NCAM2: variants seen among roughly 807,000 people sequenced by gnomAD.
The protein encoded by NCAM2 is neural cell adhesion molecule 2.
In NCAM2, 30 loss-of-function variants were observed where a neutral mutation model predicts 98.1. The observed-to-expected ratio is 0.31, with a 90% CI of 0.23 to 0.41. The LOEUF (loss-of-function observed/expected upper bound fraction) is 0.41. Ranked by LOEUF, NCAM2 falls within the 10% of genes least tolerant of loss-of-function variation. The pLI is 1.00. For missense variants in NCAM2, 867 were observed against 1,005.8 expected (o/e 0.86, Z 1.87); for synonymous variants, 368 against 342.4 (o/e 1.07, Z -0.83).
intron 1 of NCAM2, among the ~76,000 whole-genome samples, chr21:21,259,787 C>T (rs568946980): frequency 6.6e-6 from 1 of 152,000 alleles, no homozygotes; most frequent in African/African-American, 2.4e-5. Context: ...CCAAAACACT[C>T]ATTACAGAGC....
chr21:21,219,247 G>A (rs767099279), intron 1 of NCAM2, among the ~76,000 whole-genome samples: 3 of 151,964 alleles, frequency 2.0e-5, no homozygotes, highest in Non-Finnish European at 2.9e-5. Flanking sequence ...TGTGGCCCAG[G>A]GAAGCCAGAA....
Position 21,432,032 on chromosome 21 carries a change from TCATAACAC to T in NCAM2, c.1481-70_1481-63del, listed in dbSNP as rs1364193032. The T allele has an allele frequency of 1.0e-5, 14 of 1,384,104 alleles. No homozygotes were observed. In the South Asian group the frequency reaches 1.4e-4, roughly 14 times the overall value. The allele number at this position is 1,384,104 out of a possible 1,614,324, so 85.7% of individuals were successfully genotyped here. A position where few individuals can be genotyped will look rare whatever the true frequency, so the allele number is the denominator to read the frequency against. On this transcript the variant is annotated intron_variant, in intron 11 of 17. Transcript: ENST00000400546. ...AGCAGTTTTCCTTCACTCCTAGTTC[TCATAACAC>T]CATAAGCCTTAATAATGGCCATTCC...
intron 1 of NCAM2, among the ~76,000 whole-genome samples, chr21:21,276,213 T>C (rs1319091091): frequency 6.6e-6 from 1 of 152,062 alleles, no homozygotes; most frequent in East Asian, 1.9e-4. Context: ...ATGTACCCCA[T>C]AGTCCTCCCA....
chr21:21,305,505 C>T (rs1410654139), intron 5 of NCAM2, among the ~76,000 whole-genome samples: 1 of 151,990 alleles, frequency 6.6e-6, no homozygotes, highest in African/African-American at 2.4e-5. Flanking sequence ...GGAGACAGGG[C>T]ATTCATTCTT....
chr21:21,433,804 AAGAG>A (rs907438847), intron 12 of NCAM2, among the ~76,000 whole-genome samples: 2 of 151,390 alleles, frequency 1.3e-5, no homozygotes, highest in African/African-American at 4.8e-5. Flanking sequence ...ATAAAAATAA[AAGAG>A]AGAAAAAGGA....
At chr21:21,251,458 A>G (rs1296042926) in intron 1 of NCAM2, among the ~76,000 whole-genome samples, 1 of 152,046 alleles carries the variant, frequency 6.6e-6, no homozygotes, top group East Asian at 1.9e-4. Flanking sequence ...TTCCAGCTTC[A>G]TCCATGTCCC....
chr21:21,239,008 A>T (rs961251749), intron 1 of NCAM2, among the ~76,000 whole-genome samples: 1 of 152,170 alleles, frequency 6.6e-6, no homozygotes, highest in African/African-American at 2.4e-5. Flanking sequence ...TTTCCTTCAG[A>T]TAAGAATATT....
intron 1 of NCAM2, among the ~76,000 whole-genome samples, chr21:21,082,525 G>A (rs989466280): frequency 1.3e-5 from 2 of 152,078 alleles, no homozygotes; most frequent in Non-Finnish European, 2.9e-5. Flanking sequence ...TTTAAATAAA[G>A]TCTTCTGTAA....
chr21:21,164,801 A>G (rs575060012), intron 1 of NCAM2, among the ~76,000 whole-genome samples: 160 of 152,340 alleles, frequency 1.1e-3, no homozygotes, highest in African/African-American at 3.6e-3. Flanking sequence ...TAGTGAATCA[A>G]ACAGATAAAA....
chr21:21,470,990 T>C (rs543218787), intron 14 of NCAM2, among the ~76,000 whole-genome samples: 1 of 152,146 alleles, frequency 6.6e-6, no homozygotes, highest in Admixed American at 6.6e-5. Context: ...AGTGATACTT[T>C]TTCACATTTT....
intron 1 of NCAM2, among the ~76,000 whole-genome samples, chr21:21,254,611 T>G (rs2071595248): frequency 6.6e-6 from 1 of 152,172 alleles, no homozygotes; most frequent in African/African-American, 2.4e-5. Context: ...GACCATAATC[T>G]TCTTACCATG....
At chr21:21,446,672 G>A (rs896257944) in intron 12 of NCAM2, among the ~76,000 whole-genome samples, 2 of 152,072 alleles carry the variant, frequency 1.3e-5, no homozygotes, top group Admixed American at 6.6e-5. Flanking sequence ...AGCCCAAAAT[G>A]CCCTTAATCT....
intron 1 of NCAM2, among the ~76,000 whole-genome samples, chr21:21,200,264 TAATC>T (rs2069160432): frequency 6.6e-6 from 1 of 151,974 alleles, no homozygotes; most frequent in Non-Finnish European, 1.5e-5. Flanking sequence ...CTTTAGAACA[TAATC>T]AAATGGACTT....
At chr21:21,341,314 A>G (rs541946169) in intron 8 of NCAM2, among the ~76,000 whole-genome samples, 2 of 152,242 alleles carry the variant, frequency 1.3e-5, no homozygotes, top group Non-Finnish European at 2.9e-5. Context: ...CTTGAAGTTG[A>G]TTTAGTATAT....
chr21:21,154,831 A>G (rs2067563324), intron 1 of NCAM2, among the ~76,000 whole-genome samples: 1 of 151,924 alleles, frequency 6.6e-6, no homozygotes, highest in Non-Finnish European at 1.5e-5. Flanking sequence ...GGTCAAAACC[A>G]GACATCTTGG....
chr21:21,336,854 A>T (rs2074885997), intron 7 of NCAM2, among the ~76,000 whole-genome samples: 1 of 152,168 alleles, frequency 6.6e-6, no homozygotes, highest in Non-Finnish European at 1.5e-5. Context: ...GAATAAAGAG[A>T]AGTATTGTTT....
chr21:21,391,616 T>A (rs954962436), intron 9 of NCAM2, among the ~76,000 whole-genome samples: 5 of 152,164 alleles, frequency 3.3e-5, no homozygotes, highest in Non-Finnish European at 7.4e-5. Context: ...GATCCCTTCA[T>A]TGCAAATTTA....
At chr21:21,157,167 AAT>A (rs1174535813) in intron 1 of NCAM2, among the ~76,000 whole-genome samples, 1 of 152,060 alleles carries the variant, frequency 6.6e-6, no homozygotes, top group Admixed American at 6.6e-5. Flanking sequence ...TCACTCAACT[AAT>A]ATGTTACTCA....
intron 4 of NCAM2, among the ~76,000 whole-genome samples, chr21:21,290,816 A>G (rs2073263073): frequency 6.6e-6 from 1 of 151,864 alleles, no homozygotes; most frequent in South Asian, 2.1e-4. Flanking sequence ...TCATTAAGGA[A>G]CGGCTATGAC....
Sources: gnomAD v4.1 joint callset for allele counts (sites outside exome capture counted in the v4.1 genomes callset) on GRCh38, gnomAD v4.1.1 for gene constraint, MANE v1.5 for transcripts, NCBI Gene and HGNC (gene_info 2026-07-23, HGNC 2026-07-21) for gene names.